Variants in CA5B observed in about 807,000 individuals in gnomAD.
CA5B encodes the protein carbonic anhydrase 5B, mitochondrial.
In CA5B, 15 loss-of-function variants were observed where a neutral mutation model predicts 23.1. That is an observed-to-expected ratio of 0.65 (90% CI 0.43 to 1.00). The LOEUF is 1.00. Ranked by LOEUF, CA5B falls within the 50% of genes least tolerant of loss-of-function variation. The pLI is 0.00. For missense variants in CA5B, 236 were observed against 252.2 expected (o/e 0.94, Z 0.43); for synonymous variants, 84 against 98.5 (o/e 0.85, Z 0.87).
Position 15,772,615 on chromosome X carries a change from G to C in CA5B, c.459+1G>C. ...GGACAGCAAATGCTTCCCAGCAGAGGTATGTTGAGAAGGTCAGGAACAGTG... is the reference window on the plus strand; with the variant it reads ...GGACAGCAAATGCTTCCCAGCAGAGCTATGTTGAGAAGGTCAGGAACAGTG... On this transcript the variant is annotated splice_donor_variant, in intron 4 of 7. Coordinates refer to ENST00000318636, the MANE Select transcript of CA5B (RefSeq NM_007220.4). LOFTEE classifies it high-confidence loss of function. The C allele has an allele frequency of 8.9e-7, 1 of 1,127,688 alleles. No homozygotes were observed. The highest frequency in any genetic ancestry group is 1.2e-6 in the Non-Finnish European group (1 of 822,298). 92.9% of individuals were successfully genotyped at this position (1,127,688 alleles called of 1,213,427 possible).
At chrX:15,775,484 G>T in intron 6 of CA5B, 176 bp downstream of exon 6, 1 of 978,430 alleles carries the variant, frequency 1.0e-6, no homozygotes, top group East Asian at 4.0e-5. Context: ...CTGTGGGTAG[G>T]CAGTGAGCTT....
At chrX:15,774,723 A>G (rs1931887749) in intron 5 of CA5B, among the ~76,000 whole-genome samples, 1 of 111,173 alleles carries the variant, frequency 9.0e-6, no homozygotes, top group African/African-American at 3.3e-5. Context: ...AATCCTAGCT[A>G]CTCGGGAGGC....
chrX:15,747,822 TCTC>T, intron 1 of CA5B, among the ~76,000 whole-genome samples: 1 of 111,117 alleles, frequency 9.0e-6, no homozygotes, highest in Non-Finnish European at 1.9e-5. Flanking sequence ...GGGTTCGGTG[TCTC>T]ACACGGAGAA....
Position 15,772,482 on chromosome X carries a change from A to T in CA5B, c.341-14A>T. ...AAATAACTCTTCCCTGAATTGTTGG[A>T]TGTGCCATTTTAGTGATCAAGGGAG... is the stretch of plus-strand genomic sequence containing the variant. On this transcript the variant is annotated splice_polypyrimidine_tract_variant and intron_variant, in intron 3 of 7. Transcript: ENST00000318636. 2 of 1,109,637 alleles carry T rather than the reference A, an allele frequency of 1.8e-6. No homozygotes were observed. Among genetic ancestry groups the T allele is most frequent in the Non-Finnish European group, 2.5e-6 (2 of 805,234 alleles). The allele number at this position is 1,109,637 out of a possible 1,213,427, so 91.4% of individuals were successfully genotyped here. A position where few individuals can be genotyped will look rare whatever the true frequency, so the allele number is the denominator to read the frequency against.
chrX:15,768,564 A>G (rs1057409362), intron 3 of CA5B: 38 of 111,061 alleles, frequency 3.4e-4, no homozygotes, highest in African/African-American at 1.2e-3. Context: ...TTTAATAATT[A>G]TTTTCTTTAA....
intron 1 of CA5B, among the ~76,000 whole-genome samples, chrX:15,749,609 C>T (rs1488481382): frequency 9.1e-6 from 1 of 110,148 alleles, no homozygotes; most frequent in Admixed American, 9.7e-5. Flanking sequence ...CATGTAAATA[C>T]CATGCTGGAT....
intron 3 of CA5B, chrX:15,768,614 C>T (rs889592211): frequency 3.6e-5 from 4 of 111,796 alleles, no homozygotes; most frequent in African/African-American, 9.7e-5. Flanking sequence ...TTTTCTCTCT[C>T]TCTCTCTCTC....
chrX:15,779,041 A>G (rs745421083), intron 7 of CA5B, among the ~76,000 whole-genome samples: 21 of 111,825 alleles, frequency 1.9e-4, no homozygotes, highest in Non-Finnish European at 3.9e-4. Flanking sequence ...AAAGAAAAAG[A>G]TAGATAAAGT....
At chrX:15,773,628 C>T in intron 4 of CA5B, among the ~76,000 whole-genome samples, 1 of 110,165 alleles carries the variant, frequency 9.1e-6, no homozygotes, top group Non-Finnish European at 1.9e-5. Context: ...CCAGGATGGT[C>T]TCGATCTCCT....
chrX:15,746,385 C>T (rs759757212), intron 1 of CA5B, among the ~76,000 whole-genome samples: 1 of 111,104 alleles, frequency 9.0e-6, no homozygotes, highest in Non-Finnish European at 1.9e-5. Context: ...ATTTTTCCTG[C>T]TCCTTGGGTT....
At chrX:15,767,584 G>A (rs966013223) in intron 3 of CA5B, among the ~76,000 whole-genome samples, 3 of 108,086 alleles carry the variant, frequency 2.8e-5, no homozygotes, top group Non-Finnish European at 1.9e-5. Context: ...TTGTTTGTTT[G>A]TTTGTTTTTG....
intron 7 of CA5B, 55 bp downstream of exon 7, chrX:15,776,924 C>T (rs1160344830): frequency 4.8e-6 from 5 of 1,041,286 alleles, no homozygotes; most frequent in Non-Finnish European, 6.7e-6. Flanking sequence ...CCATGTAAAA[C>T]AAGGCTGGGC....
intron 2 of CA5B, chrX:15,763,171 C>A (rs1371501220): frequency 6.4e-6 from 1 of 155,871 alleles, no homozygotes; most frequent in Admixed American, 8.0e-5. Flanking sequence ...ACTCAGCACG[C>A]ACAGTTATGT....
intron 4 of CA5B, among the ~76,000 whole-genome samples, chrX:15,773,402 A>AT (rs59351244): frequency 1.3e-4 from 4 of 30,498 alleles, no homozygotes; most frequent in Non-Finnish European, 2.2e-4. Context: ...TGCCCTGCTA[A>AT]TTTTTTTTTT....
rs187019923 is a variant in CA5B, at chrX:15,764,429, A to G, written c.143-149A>G. 4.6e-3 allele frequency: 4,024 copies of G among 871,702 alleles called. 10 individuals are homozygous for G. Among genetic ancestry groups the G allele is most frequent in the Non-Finnish European group, 5.9e-3 (3,698 of 631,841 alleles). 71.8% of individuals were successfully genotyped at this position (871,702 alleles called of 1,213,427 possible). On this transcript the variant is annotated intron_variant, in intron 2 of 7. Transcript: ENST00000318636. ...AATTTTTTGCATATTTTGTAGAGAC[A>G]GGGTTTCGCCGTGTTTCCTAGGCTG...
At chrX:15,752,995 A>T (rs1244799580) in intron 2 of CA5B, among the ~76,000 whole-genome samples, 1 of 109,694 alleles carries the variant, frequency 9.1e-6, no homozygotes, top group Non-Finnish European at 1.9e-5. Context: ...AAGCCCCCCC[A>T]ACCCCCACCC....
chrX:15,749,989 C>T lies in CA5B; in HGVS notation c.-35C>T. 8.3e-7 allele frequency: 1 copy of T among 1,203,646 alleles called. No individual in the cohort carries two copies. The highest frequency in any genetic ancestry group is 1.1e-6 in the Non-Finnish European group (1 of 890,974). On this transcript the variant is annotated 5_prime_UTR_variant, in exon 2 of 8. Coordinates refer to ENST00000318636, the MANE Select transcript of CA5B (RefSeq NM_007220.4). Reference sequence around the variant, plus strand: ...CCTCTAGATTATTAAGTTCCTGCAACTTAACTGGGAACTGATCAAGATTTC... The same window carrying T: ...CCTCTAGATTATTAAGTTCCTGCAATTTAACTGGGAACTGATCAAGATTTC...
chrX:15,739,382 T>A (rs1931073567), intron 1 of CA5B, among the ~76,000 whole-genome samples: 1 of 110,257 alleles, frequency 9.1e-6, no homozygotes, highest in South Asian at 3.8e-4. Context: ...CTCTCAGGAG[T>A]GGCCACTCTT....
intron 2 of CA5B, among the ~76,000 whole-genome samples, chrX:15,752,617 A>C (rs765157469): frequency 1.4e-3 from 150 of 110,736 alleles, no homozygotes; most frequent in Middle Eastern, 4.6e-3. Flanking sequence ...CCCAGCTACT[A>C]AGGATGCTGA....
Sources: allele counts gnomAD v4.1 joint callset (sites outside exome capture counted in the v4.1 genomes callset), GRCh38; gene constraint gnomAD v4.1.1; transcripts MANE v1.5; gene names NCBI Gene and HGNC (gene_info 2026-07-23, HGNC 2026-07-21).